Variants in NSUN5 observed in about 807,000 individuals in gnomAD.
NSUN5 encodes the protein 28S rRNA (cytosine-C(5))-methyltransferase.
A neutral mutation model predicts 51.1 loss-of-function variants in NSUN5; 39 were observed. The ratio of observed to expected loss-of-function variants is 0.76; its 90% CI spans 0.59 to 1.00. The LOEUF (loss-of-function observed/expected upper bound fraction) is 1.00. Among genes scored for constraint, NSUN5 ranks in the 50% least tolerant of loss-of-function variants. The probability of loss-of-function intolerance (pLI) is 0.00; values close to 1 mark genes in which losing one functional copy is unlikely to be tolerated. For missense variants in NSUN5, 526 were observed against 614.0 expected, an observed-to-expected ratio of 0.86 and a Z score of 1.51; for synonymous variants, 266 against 271.5, an observed-to-expected ratio of 0.98 and a Z score of 0.20.
intron 1 of NSUN5, 35 bp from the exon 2 acceptor site, chr7:73,308,588 T>TCCCCCGGCCCTCCTCGCCGGG (rs1563293608): frequency 6.3e-7 from 1 of 1,588,752 alleles, no homozygotes; most frequent in Admixed American, 1.7e-5. Context: ...GGGTGGGGGC[T>TCCCCCGGCCCTCCTCGCCGGG]CCCCCGGCCC....
At position 73,307,654 on chromosome 7, in the gene NSUN5, G is replaced by A; in HGVS notation, c.320C>T (p.Ala107Val). Reference sequence around the variant, plus strand: ...CACACCCCGATGAACCTTGAGCCGAGCCAACTCAGCCTTGAGCCTCGCCTG... The same window carrying A: ...CACACCCCGATGAACCTTGAGCCGAACCAACTCAGCCTTGAGCCTCGCCTG... The part of the protein sequence containing the change: ...RHQARLKAEL[A>V]RLKVHRGVSR... The change falls in exon 3 of 10, where the codon GCT becomes GTT. Residue 107 changes from alanine to valine, a missense_variant. Coordinates refer to ENST00000438747, the MANE Select transcript of NSUN5 (RefSeq NM_148956.4). 6.2e-7 allele frequency: 1 copy of A among 1,611,516 alleles called. No individual in the cohort carries two copies. Among genetic ancestry groups the A allele is most frequent in the Non-Finnish European group, 8.5e-7 (1 of 1,179,762 alleles).
At chr7:73,308,318 C>T in intron 2 of NSUN5, 113 bp downstream of exon 2, 1 of 1,352,260 alleles carries the variant, frequency 7.4e-7, no homozygotes, top group South Asian at 1.4e-5. Flanking sequence ...GGCTCATACT[C>T]ATTTCAGATG....
intron 2 of NSUN5, 33 bp downstream of exon 2, chr7:73,308,398 G>C: frequency 1.3e-6 from 2 of 1,564,996 alleles, no homozygotes; most frequent in Non-Finnish European, 1.7e-6. Context: ...CTGACCGTCG[G>C]GGTTCACTTC....
Position 73,303,523 on chromosome 7 carries a change from G to A in NSUN5, c.1293C>T (p.Ala431=), listed in dbSNP as rs1554541062. ...VIERVEVPSS[A]SQAKASAPER... ...CTGGTGCTGATGCTTTGGCCTGTGA[G>A]GCTGAGCTAGAGAAGTGTAGATGTT... is the stretch of plus-strand genomic sequence containing the variant. Residue 431 remains alanine, a synonymous_variant, in exon 10 of 10, where the codon GCC becomes GCT. Coordinates refer to ENST00000438747, the MANE Select transcript of NSUN5 (RefSeq NM_148956.4). The A allele has an allele frequency of 1.2e-6, 2 of 1,614,206 alleles. No individual in the cohort carries two copies. The highest frequency in any genetic ancestry group is 2.2e-5 in the South Asian group (2 of 91,088).
chr7:73,308,685 C>A lies in NSUN5; in HGVS notation c.93+13G>T. 1 of 1,609,128 alleles carries A rather than the reference C, an allele frequency of 6.2e-7. No individual in the cohort carries two copies. The highest frequency in any genetic ancestry group is 8.5e-7 in the Non-Finnish European group (1 of 1,177,478). On this transcript the variant is annotated intron_variant, in intron 1 of 9. Coordinates refer to ENST00000438747, the MANE Select transcript of NSUN5 (RefSeq NM_148956.4). ...CACTCCCCACCCCTACTACTCGCGC[C>A]CAGGTCCGCTACCTGGAAGTTGCTG...
In NSUN5 at chr7:73,304,364, A is replaced by G. The variant is rs1554541479; in HGVS notation, c.800T>C (p.Met267Thr). 8 of 1,613,750 alleles carry G rather than the reference A, an allele frequency of 5.0e-6. No individual in the cohort carries two copies. In the South Asian group the frequency reaches 8.8e-5, roughly 18 times the overall value. The change falls in exon 7 of 10, where the codon ATG becomes ACG. Residue 267 changes from methionine (M) to threonine (T), a missense_variant. Coordinates refer to ENST00000438747, the MANE Select transcript of NSUN5 (RefSeq NM_148956.4). ...GCCAGCCCGGGCCAGCAGCGTGGCCATGGATGCCAGCCGCTTGGCATCCAG... is the reference window on the plus strand; with the variant it reads ...GCCAGCCCGGGCCAGCAGCGTGGCCGTGGATGCCAGCCGCTTGGCATCCAG... ...FDLDAKRLAS[M>T]ATLLARAGVS... is the part of the protein sequence containing the mutation.
rs1804157437 is a variant in NSUN5, at chr7:73,308,732, G to A, written c.59C>T (p.Ser20Phe). The A allele has an allele frequency of 6.2e-7, 1 of 1,612,096 alleles. No individual in the cohort carries two copies. Among genetic ancestry groups the A allele is most frequent in the Admixed American group, 1.7e-5 (1 of 59,982 alleles). The change falls in exon 1 of 10, where the codon TCT becomes TTT. Residue 20 changes from serine to phenylalanine, a missense_variant. Physicochemically the swap from Ser to Phe is radical, Grantham distance 155 (BLOSUM62 -2). Transcript: ENST00000438747. ...VLAGVESRQGSIKGLVYSSNF... is the reference protein window; with the variant it reads ...VLAGVESRQGFIKGLVYSSNF... ...GCTGGAGTACACCAACCCCTTGATA[G>A]AGCCCTGGCGGCTCTCCACGCCGGC... is the stretch of plus-strand genomic sequence containing the variant.
chr7:73,307,059 C>A (rs1804068275), intron 4 of NSUN5, among the ~76,000 whole-genome samples: 1 of 151,982 alleles, frequency 6.6e-6, no homozygotes, highest in African/African-American at 2.4e-5. Flanking sequence ...GGAAAGATGA[C>A]AAATGCAGCG....
chr7:73,303,372 C>G lies in NSUN5; in HGVS notation c.*43G>C, dbSNP rs1308932608. On this transcript the variant is annotated 3_prime_UTR_variant, in exon 10 of 10. Coordinates refer to ENST00000438747, the MANE Select transcript of NSUN5 (RefSeq NM_148956.4). The stretch of plus-strand genomic sequence containing the variant: ...CAGGGTCCTCCACGGAGAGGACAGG[C>G]ATCTTCCTTTCCCACCAGGAAGGAG... 1.2e-6 allele frequency: 2 copies of G among 1,614,044 alleles called. No homozygotes were observed. Among genetic ancestry groups the G allele is most frequent in the Admixed American group, 1.7e-5 (1 of 60,022 alleles).
At chr7:73,304,079 C>T (rs782657630) in intron 7 of NSUN5, 43 bp from the exon 8 acceptor site, 1 of 1,602,998 alleles carries the variant, frequency 6.2e-7, no homozygotes, top group South Asian at 1.1e-5. Context: ...CACAGGCTAC[C>T]TCAGTCCTGA....
In NSUN5 at chr7:73,308,443, C is replaced by A. The variant is rs782029179; in HGVS notation, c.204G>T (p.Pro68=). 6 of 1,601,948 alleles carry A rather than the reference C, an allele frequency of 3.7e-6. No homozygotes were observed. The African/African-American group carries it at 5.3e-5, about 14-fold the overall frequency. The stretch of plus-strand genomic sequence containing the variant: ...CCCCTCCCCTCACCTTGGCCAGGTG[C>A]GGCCGCAGCTTCTTCTCCGCACGGA... The part of the protein sequence containing the change: ...GLLRAEKKLR[P]HLAKVLVYEL... Residue 68 remains proline (P), a synonymous_variant, in exon 2 of 10, where the codon CCG becomes CCT. Coordinates refer to ENST00000438747, the MANE Select transcript of NSUN5 (RefSeq NM_148956.4).
At position 73,307,623 on chromosome 7, in the gene NSUN5, C is replaced by T; in HGVS notation, c.351G>A (p.Arg117=). Residue 117 remains arginine (R), a synonymous_variant, in exon 3 of 10, where the codon CGG becomes CGA. Coordinates refer to ENST00000438747, the MANE Select transcript of NSUN5 (RefSeq NM_148956.4). The part of the protein sequence containing the change: ...ARLKVHRGVS[R]NEDLLEVGSR... ...ATCCCACTTCCAACAGGTCCTCATT[C>T]CGGCTCACACCCCGATGAACCTTGA... is the stretch of plus-strand genomic sequence containing the variant. 1 of 1,518,766 alleles carries T rather than the reference C, an allele frequency of 6.6e-7. No individual in the cohort carries two copies. The highest frequency in any genetic ancestry group is 8.9e-7 in the Non-Finnish European group (1 of 1,123,160). The allele number at this position is 1,518,766 out of a possible 1,614,324, so 94.1% of individuals were successfully genotyped here. A position where few individuals can be genotyped will look rare whatever the true frequency, so the allele number is the denominator to read the frequency against.
At chr7:73,304,515 T>A in intron 6 of NSUN5, 107 bp from the exon 7 acceptor site, 2 of 1,158,774 alleles carry the variant, frequency 1.7e-6, no homozygotes, top group Non-Finnish European at 2.5e-6. Flanking sequence ...TGAAACGGCC[T>A]ACGTTTAAAG....
chr7:73,306,636 T>G (rs1293595290), intron 4 of NSUN5, among the ~76,000 whole-genome samples: 14 of 151,946 alleles, frequency 9.2e-5, no homozygotes, highest in African/African-American at 3.4e-4. Flanking sequence ...TCCGAGCACT[T>G]TGGGAGACCA....
At position 73,308,685 on chromosome 7, in the gene NSUN5, C is replaced by G; in HGVS notation, c.93+13G>C. The G allele has an allele frequency of 1.2e-6, 2 of 1,609,128 alleles. No homozygotes were observed. The highest frequency in any genetic ancestry group is 2.2e-5 in the South Asian group (2 of 90,930). On this transcript the variant is annotated intron_variant, in intron 1 of 9. Transcript: ENST00000438747. The stretch of plus-strand genomic sequence containing the variant: ...CACTCCCCACCCCTACTACTCGCGC[C>G]CAGGTCCGCTACCTGGAAGTTGCTG...
At position 73,303,882 on chromosome 7, in the gene NSUN5, C is replaced by T; in HGVS notation, c.1089G>A (p.Gln363=). The T allele has an allele frequency of 1.2e-6, 2 of 1,613,872 alleles. No individual in the cohort carries two copies. Among genetic ancestry groups the T allele is most frequent in the South Asian group, 2.2e-5 (2 of 91,076 alleles). Residue 363 remains glutamine, a synonymous_variant, in exon 8 of 10, where the codon CAG becomes CAA. Transcript: ENST00000438747. ...RLVYSTCSLC[Q]EENEDVVRDA... is the part of the protein sequence containing the mutation. Reference sequence around the variant, plus strand: ...CTCGCACCACGTCTTCATTCTCCTCCTGGCAGAGGGAGCACGTGGAGTAGA... The same window carrying T: ...CTCGCACCACGTCTTCATTCTCCTCTTGGCAGAGGGAGCACGTGGAGTAGA...
At position 73,307,678 on chromosome 7, in the gene NSUN5, T is replaced by C; in HGVS notation, c.296A>G (p.Gln99Arg). ...GRWKALLGRH[Q>R]ARLKAELARL... ...AGCCAACTCAGCCTTGAGCCTCGCCTGGTGCCGGCCCAACAGAGCCTTCCA... is the reference window on the plus strand; with the variant it reads ...AGCCAACTCAGCCTTGAGCCTCGCCCGGTGCCGGCCCAACAGAGCCTTCCA... Residue 99 changes from glutamine (Q) to arginine (R), a missense_variant, in exon 3 of 10, where the codon CAG (glutamine) becomes CGG (arginine). Physicochemically the swap from Gln to Arg is conservative, Grantham distance 43. Transcript: ENST00000438747. 1 of 1,611,594 alleles carries C rather than the reference T, an allele frequency of 6.2e-7. No individual in the cohort carries two copies. Among genetic ancestry groups the C allele is most frequent in the Non-Finnish European group, 8.5e-7 (1 of 1,179,210 alleles).
Position 73,304,775 on chromosome 7 carries a change from G to C in NSUN5, c.727C>G (p.His243Asp), listed in dbSNP as rs782516131. Residue 243 changes from histidine to aspartate, a missense_variant, in exon 6 of 10, where the codon CAC becomes GAC. Transcript: ENST00000438747. ...TGGTTCTTCAGAAGAGCAGCCAAGT[G>C]ACTGGTCTTATTGCCTGGGGCGGCA... The part of the protein sequence containing the change: ...ACAAPGNKTS[H>D]LAALLKNQGK... 85 of 1,613,684 alleles carry C rather than the reference G, an allele frequency of 5.3e-5. 1 individual carries two copies. The South Asian group carries it at 5.5e-4, about 10-fold the overall frequency.
At chr7:73,306,241 G>A (rs1388044773) in intron 4 of NSUN5, among the ~76,000 whole-genome samples, 3 of 151,802 alleles carry the variant, frequency 2.0e-5, no homozygotes, top group East Asian at 1.9e-4. Flanking sequence ...AAAATTAGCC[G>A]GGCGTGGTGC....
Sources: allele counts gnomAD v4.1 joint callset (sites outside exome capture counted in the v4.1 genomes callset), GRCh38; gene constraint gnomAD v4.1.1; transcripts MANE v1.5; gene names NCBI Gene and HGNC (gene_info 2026-07-23, HGNC 2026-07-21).